SEMA5A: variants seen among roughly 807,000 people sequenced by gnomAD.
SEMA5A encodes the protein semaphorin 5A.
In SEMA5A, 55 loss-of-function variants were observed where a neutral mutation model predicts 135.5. The observed-to-expected ratio is 0.41, with a 90% confidence interval of 0.33 to 0.51. SEMA5A has a LOEUF of 0.51. Ranked by LOEUF, SEMA5A falls within the 20% of genes least tolerant of loss-of-function variation. The pLI is 0.37. For synonymous variants in SEMA5A, 580 were observed against 546.5 expected (o/e 1.06, Z -0.85); for missense variants, 1,290 against 1,419.9 (o/e 0.91, Z 1.47).
chr5:9,455,502 C>A (rs372299141), intron 1 of SEMA5A, among the ~76,000 whole-genome samples: 18 of 151,982 alleles, frequency 1.2e-4, no homozygotes, highest in Non-Finnish European at 2.4e-4. Flanking sequence ...GTGATCCGCC[C>A]GCCTCGGCCT....
At chr5:9,133,032 G>T (rs1360724122) in intron 13 of SEMA5A, among the ~76,000 whole-genome samples, 1 of 152,152 alleles carries the variant, frequency 6.6e-6, no homozygotes, top group African/African-American at 2.4e-5. Context: ...TGCAATCCAT[G>T]AGAGTGTTTT....
intron 2 of SEMA5A, among the ~76,000 whole-genome samples, chr5:9,395,565 T>C (rs1211734982): frequency 6.6e-6 from 1 of 152,206 alleles, no homozygotes; most frequent in Admixed American, 6.5e-5. Flanking sequence ...AACTATGTTA[T>C]CCAAAGCTTT....
rs148371809 is a variant in SEMA5A at position 9,102,475 on chromosome 5, A to G, written c.2073+5665T>C. Among the ~76,000 whole-genome samples the G allele has an allele frequency of 1.3e-3, 201 of 152,322 alleles. 4 individuals are homozygous for G. Among genetic ancestry groups the G allele is most frequent in the African/African-American group, 4.2e-3 (175 of 41,588 alleles). ...GGAAACTTACAGATAAAATTGTCCC[A>G]GAAATCAAAATTCTATTAGAGTCTT... On this transcript the variant is annotated intron_variant, in intron 16 of 22. Coordinates refer to ENST00000382496, the MANE Select transcript of SEMA5A (RefSeq NM_003966.3).
At chr5:9,113,078 C>T (rs756984780) in intron 15 of SEMA5A, among the ~76,000 whole-genome samples, 3 of 152,188 alleles carry the variant, frequency 2.0e-5, no homozygotes, top group Non-Finnish European at 4.4e-5. Flanking sequence ...GATGACATCA[C>T]AGCTAGGGCC....
chr5:9,507,711 G>A (rs1288901074), intron 1 of SEMA5A, among the ~76,000 whole-genome samples: 2 of 152,074 alleles, frequency 1.3e-5, no homozygotes, highest in Admixed American at 6.5e-5. Flanking sequence ...CTAGCATGAG[G>A]TAAAACTTCA....
At chr5:9,336,225 C>A (rs1753384545) in intron 4 of SEMA5A, among the ~76,000 whole-genome samples, 1 of 152,022 alleles carries the variant, frequency 6.6e-6, no homozygotes, top group African/African-American at 2.4e-5. Flanking sequence ...TAAGTGTAGG[C>A]AGAATAAATA....
intron 13 of SEMA5A, among the ~76,000 whole-genome samples, chr5:9,133,031 T>A (rs1741521248): frequency 2.0e-5 from 3 of 152,226 alleles, no homozygotes. Flanking sequence ...TTGCAATCCA[T>A]GAGAGTGTTT....
chr5:9,339,527 C>T (rs751416016), intron 3 of SEMA5A, among the ~76,000 whole-genome samples: 37 of 150,884 alleles, frequency 2.5e-4, no homozygotes, highest in South Asian at 6.3e-4. Context: ...ACATTGAATG[C>T]GATAGGAAAT....
chr5:9,157,480 C>T (rs1319031111), intron 11 of SEMA5A, among the ~76,000 whole-genome samples: 2 of 152,192 alleles, frequency 1.3e-5, no homozygotes, highest in Non-Finnish European at 2.9e-5. Flanking sequence ...ACCATAATCC[C>T]AGGGCCGATG....
intron 5 of SEMA5A, among the ~76,000 whole-genome samples, chr5:9,269,960 C>T (rs1036699441): frequency 6.6e-6 from 1 of 152,048 alleles, no homozygotes; most frequent in East Asian, 1.9e-4. Flanking sequence ...GCAAAATTGG[C>T]CCCTTAGCTG....
chr5:9,430,732 G>A (rs967603916), intron 2 of SEMA5A, among the ~76,000 whole-genome samples: 2 of 152,132 alleles, frequency 1.3e-5, no homozygotes, highest in African/African-American at 4.8e-5. Context: ...ATCTTGACTA[G>A]GCAGTGCTGA....
chr5:9,254,253 G>T (rs1343759090), intron 5 of SEMA5A, among the ~76,000 whole-genome samples: 1 of 152,096 alleles, frequency 6.6e-6, no homozygotes, highest in Non-Finnish European at 1.5e-5. Context: ...CCTAGTAAAG[G>T]CAAGAGAAAA....
rs1294016909 is a variant in SEMA5A at position 9,042,244 on chromosome 5, C to G, written c.*653G>C. 6.5e-6 allele frequency: 1 copy of G among 152,878 alleles called. No homozygotes were observed. Among genetic ancestry groups the G allele is most frequent in the Non-Finnish European group, 1.5e-5 (1 of 68,416 alleles). The allele number at this position is 152,878 out of a possible 1,614,324, so 9.5% of individuals were successfully genotyped here. A position where few individuals can be genotyped will look rare whatever the true frequency, so the allele number is the denominator to read the frequency against. ...TCTGCTCCGCTGCCTCCACCAGCACCAGCAATGGCACAGAAACTGCATCAG... is the reference window on the plus strand; with the variant it reads ...TCTGCTCCGCTGCCTCCACCAGCACGAGCAATGGCACAGAAACTGCATCAG... On this transcript the variant is annotated 3_prime_UTR_variant, in exon 23 of 23. Transcript: ENST00000382496.
chr5:9,200,102 G>C (rs1356003560), intron 9 of SEMA5A, among the ~76,000 whole-genome samples: 4 of 152,158 alleles, frequency 2.6e-5, no homozygotes, highest in Non-Finnish European at 5.9e-5. Flanking sequence ...GGAAAATATT[G>C]TGAAATTTGA....
intron 11 of SEMA5A, among the ~76,000 whole-genome samples, chr5:9,167,836 C>G (rs545615085): frequency 1.3e-4 from 20 of 152,290 alleles, no homozygotes; most frequent in Admixed American, 1.1e-3. Flanking sequence ...TTCATGACCA[C>G]CGTCATGCTC....
At chr5:9,542,417 C>T (rs3798097) in intron 1 of SEMA5A, among the ~76,000 whole-genome samples, 34,807 of 152,136 alleles carry the variant, frequency 0.23, 4,894 homozygotes, top group Non-Finnish European at 0.32. Flanking sequence ...TACTTATAGA[C>T]GCTCATTTTA....
intron 3 of SEMA5A, among the ~76,000 whole-genome samples, chr5:9,356,486 GA>G (rs911256031): frequency 6.6e-6 from 1 of 151,634 alleles, no homozygotes; most frequent in East Asian, 1.9e-4. Flanking sequence ...AATCAAACCA[GA>G]AAAAAAAGAA....
chr5:9,305,388 A>G (rs1213503023), intron 5 of SEMA5A, among the ~76,000 whole-genome samples: 1 of 152,060 alleles, frequency 6.6e-6, no homozygotes, highest in African/African-American at 2.4e-5. Context: ...CATTCATCAT[A>G]ATTTCTTGTC....
At chr5:9,478,478 C>A (rs1231356634) in intron 1 of SEMA5A, among the ~76,000 whole-genome samples, 1 of 152,234 alleles carries the variant, frequency 6.6e-6, no homozygotes, top group Non-Finnish European at 1.5e-5. Flanking sequence ...CTGTACCCTG[C>A]AGAACCACAG....
Sources: gnomAD v4.1 joint callset for allele counts (sites outside exome capture counted in the v4.1 genomes callset) on GRCh38, gnomAD v4.1.1 for gene constraint, MANE v1.5 for transcripts, NCBI Gene and HGNC (gene_info 2026-07-23, HGNC 2026-07-21) for gene names.